ACACB: variants seen among roughly 807,000 people sequenced by gnomAD.
ACACB encodes acetyl-CoA carboxylase beta.
ACACB carries 209 observed loss-of-function variants against 278.8 expected under a neutral mutation model. That is an observed-to-expected ratio of 0.75 (90% CI 0.67 to 0.84). The LOEUF is 0.84. Ranked by LOEUF, ACACB falls within the 40% of genes least tolerant of loss-of-function variation. The pLI, the probability that ACACB is intolerant of heterozygous loss-of-function variation, is 0.00. For missense variants in ACACB, 2,850 were observed against 3,269.0 expected (o/e 0.87, Z 3.13); for synonymous variants, 1,174 against 1,285.6 (o/e 0.91, Z 1.86).
rs769858068 is a variant in ACACB at position 109,144,752 on chromosome 12, TTC to T, written c.653+4696_653+4697del. ...TTTCTTTTTCTTTTTCTTTCTTTCT[TTC>T]TTTTTTTTTTTTTTTTTTGAGACAG... On this transcript the variant is annotated intron_variant, in intron 2 of 52. Transcript: ENST00000338432. Among the ~76,000 whole-genome samples the T allele has an allele frequency of 1.9e-3, 239 of 122,640 alleles. 1 individual carries two copies. The highest frequency in any genetic ancestry group is 2.8e-3 in the Admixed American group (36 of 12,796). The allele number at this position is 122,640 out of a possible 152,430, so 80.5% of individuals were successfully genotyped here.
chr12:109,213,309 TCTC>T (rs2045901493), intron 22 of ACACB, among the ~76,000 whole-genome samples: 1 of 151,962 alleles, frequency 6.6e-6, no homozygotes. Flanking sequence ...AGTGATCCAT[TCTC>T]CTCGACCTCC....
chr12:109,260,764 G>T (rs987594045), intron 48 of ACACB, 107 bp downstream of exon 48: 1 of 1,096,882 alleles, frequency 9.1e-7, no homozygotes, highest in Non-Finnish European at 1.2e-6. Flanking sequence ...GAACCTGTAA[G>T]TGGTGGAGAA....
At chr12:109,128,423 C>T (rs1419454052) in intron 1 of ACACB, among the ~76,000 whole-genome samples, 3 of 151,990 alleles carry the variant, frequency 2.0e-5, no homozygotes, top group South Asian at 2.1e-4. Context: ...TTGCAACTTC[C>T]GCCTCCTGGG....
intron 47 of ACACB, chr12:109,260,179 G>T: frequency 1.4e-6 from 2 of 1,426,884 alleles, no homozygotes; most frequent in South Asian, 1.1e-5. Flanking sequence ...GCTGGAAATG[G>T]TGGGGCAGGG....
At chr12:109,210,201 A>ATATATGTATATACACACACGTGTG (rs1555222956) in intron 21 of ACACB, among the ~76,000 whole-genome samples, 573 of 13,576 alleles carry the variant, frequency 0.042, 90 homozygotes, top group Admixed American at 0.068. Flanking sequence ...GTGTATATGT[A>ATATATGTATATACACACACGTGTG]TATATGTATA....
chr12:109,225,701 C>T (rs2046293898), intron 27 of ACACB, among the ~76,000 whole-genome samples: 1 of 152,222 alleles, frequency 6.6e-6, no homozygotes, highest in Non-Finnish European at 1.5e-5. Flanking sequence ...AGTGTTTAAA[C>T]TCCAGAACTG....
Position 109,266,320 on chromosome 12 carries a change from C to A in ACACB, c.7335C>A (p.Val2445=). 6.2e-7 allele frequency: 1 copy of A among 1,613,162 alleles called. No homozygotes were observed. Among genetic ancestry groups the A allele is most frequent in the South Asian group, 1.1e-5 (1 of 91,000 alleles). Residue 2445 remains valine (V), a synonymous_variant, in exon 53 of 53, where the codon GTC becomes GTA. Coordinates refer to ENST00000338432, the MANE Select transcript of ACACB (RefSeq NM_001093.4). Reference sequence around the variant, plus strand: ...TCAGCCCAGCTGAGCGGGCGCAGGTCGTTCACCTGCTGTCTACCATGGACA... The same window carrying A: ...TCAGCCCAGCTGAGCGGGCGCAGGTAGTTCACCTGCTGTCTACCATGGACA... ...QHISPAERAQ[V]VHLLSTMDSP...
At chr12:109,167,074 G>A (rs567545984) in intron 3 of ACACB, 81 bp downstream of exon 3, 78 of 1,588,726 alleles carry the variant, frequency 4.9e-5, no homozygotes, top group East Asian at 3.8e-4. Flanking sequence ...TGGGAGATTC[G>A]GGTTCAGGCT....
intron 24 of ACACB, among the ~76,000 whole-genome samples, chr12:109,217,545 T>C (rs895700683): frequency 2.0e-5 from 3 of 152,040 alleles, no homozygotes; most frequent in Admixed American, 6.6e-5. Flanking sequence ...ACATCTGTAA[T>C]CCCAGCACTT....
intron 39 of ACACB, 118 bp from the exon 40 acceptor site, chr12:109,247,488 G>T: frequency 1.4e-6 from 1 of 717,722 alleles, no homozygotes; most frequent in Non-Finnish European, 2.5e-6. Flanking sequence ...ATGTGTCATT[G>T]ACATGTTACT....
chr12:109,223,752 A>C, intron 26 of ACACB, 63 bp from the exon 27 acceptor site: 6 of 1,502,450 alleles, frequency 4.0e-6, no homozygotes, highest in Non-Finnish European at 4.6e-6. Flanking sequence ...AAATAAAAAC[A>C]AAGAAAAACC....
chr12:109,236,806 A>C (rs2046643797), intron 33 of ACACB, among the ~76,000 whole-genome samples: 1 of 150,788 alleles, frequency 6.6e-6, no homozygotes, highest in African/African-American at 2.4e-5. Flanking sequence ...ACCAATTTCC[A>C]CCAAGAAACC....
At position 109,197,095 on chromosome 12, in the gene ACACB, C is replaced by T; in HGVS notation, c.2569C>T (p.Leu857Phe). The change falls in exon 17 of 53, where the codon CTC becomes TTC. Residue 857 changes from leucine (L) to phenylalanine (F), a missense_variant. Physicochemically the swap from Leu to Phe is conservative, Grantham distance 22. This residue lies in a region of ACACB where 2,265 missense variants were observed against 2,561.3 expected (regional missense o/e 0.88). Coordinates refer to ENST00000338432, the MANE Select transcript of ACACB (RefSeq NM_001093.4). The part of the protein sequence containing the change: ...IDAHRLNDGG[L>F]LLSYNGNSYT... ...TGCCCACCGGCTGAATGATGGGGGG[C>T]TCCTGCTCTCCTACAATGGGAACAG... The T allele has an allele frequency of 1.2e-6, 2 of 1,601,706 alleles. No individual in the cohort carries two copies. Among genetic ancestry groups the T allele is most frequent in the Non-Finnish European group, 1.7e-6 (2 of 1,175,274 alleles).
At chr12:109,117,694 A>G (rs2042439882) in intron 1 of ACACB, among the ~76,000 whole-genome samples, 2 of 152,246 alleles carry the variant, frequency 1.3e-5, no homozygotes, top group Admixed American at 1.3e-4. Context: ...GGGCATCCAT[A>G]TAGGTTGGGT....
chr12:109,191,638 C>T lies in ACACB; in HGVS notation c.2170C>T (p.Leu724=), dbSNP rs940512119. ...ISNMVVALKE[L]SIRGDFRTTV... The stretch of plus-strand genomic sequence containing the variant: ...GAACATGGTGGTGGCTTTGAAGGAA[C>T]TGTCCATCCGAGGCGACTTTAGGAC... Residue 724 remains leucine, a synonymous_variant, in exon 14 of 53, where the codon CTG becomes TTG. Coordinates refer to ENST00000338432, the MANE Select transcript of ACACB (RefSeq NM_001093.4). 3 of 1,614,182 alleles carry T rather than the reference C, an allele frequency of 1.9e-6. No homozygotes were observed. The highest frequency in any genetic ancestry group is 2.2e-5 in the South Asian group (2 of 91,088).
chr12:109,187,445 T>C lies in ACACB; in HGVS notation c.1981-554T>C, dbSNP rs2044702940. Among the ~76,000 whole-genome samples, 7 of 150,254 alleles carry C rather than the reference T, an allele frequency of 4.7e-5. No individual in the cohort carries two copies. The South Asian group carries it at 1.5e-3, about 31-fold the overall frequency. ...CAACTCGCTTATTTTATTTATTTAT[T>C]TATTTATTTATTTATTTATTTATTT... On this transcript the variant is annotated intron_variant, in intron 12 of 52. Coordinates refer to ENST00000338432, the MANE Select transcript of ACACB (RefSeq NM_001093.4).
At chr12:109,201,836 A>T in intron 19 of ACACB, 135 bp downstream of exon 19, 3 of 1,235,412 alleles carry the variant, frequency 2.4e-6, no homozygotes, top group Non-Finnish European at 3.3e-6. Flanking sequence ...TCGTCGCAGC[A>T]GCCACCGTGA....
At chr12:109,192,557 T>C (rs2044932176) in intron 15 of ACACB, among the ~76,000 whole-genome samples, 2 of 152,052 alleles carry the variant, frequency 1.3e-5, no homozygotes, top group South Asian at 4.2e-4. Context: ...TCTCCAGACA[T>C]TGCCCAATGT....
At chr12:109,155,551 CT>C (rs1343505682) in intron 2 of ACACB, among the ~76,000 whole-genome samples, 2 of 151,296 alleles carry the variant, frequency 1.3e-5, no homozygotes, top group African/African-American at 4.8e-5. Context: ...AATTCCACCC[CT>C]GTGATGTTTG....
Sources: allele counts gnomAD v4.1 joint callset (sites outside exome capture counted in the v4.1 genomes callset), GRCh38; gene constraint gnomAD v4.1.1; regional missense constraint gnomAD v4.1.1; transcripts MANE v1.5; gene names NCBI Gene and HGNC (gene_info 2026-07-23, HGNC 2026-07-21).